The following FOXP2 variants were observed in gnomAD, a reference collection of about 807,000 sequenced individuals.
FOXP2 encodes forkhead box protein P2.
Under a neutral mutation model 115.8 loss-of-function variants are expected in FOXP2, and 12 were observed. The ratio of observed to expected loss-of-function variants is 0.10; its 90% CI spans 0.07 to 0.17. FOXP2 has a LOEUF of 0.17. Ranked by LOEUF, FOXP2 falls within the 10% of genes least tolerant of loss-of-function variation. FOXP2 has a pLI of 1.00. For synonymous variants in FOXP2, 328 were observed against 297.7 expected, an observed-to-expected ratio of 1.10 and a Z score of -1.05; for missense variants, 629 against 843.5, an observed-to-expected ratio of 0.75 and a Z score of 3.15.
chr7:114,114,266 T>C (rs1002503241), intron 1 of FOXP2, among the ~76,000 whole-genome samples: 5 of 150,540 alleles, frequency 3.3e-5, no homozygotes, highest in African/African-American at 7.3e-5. Flanking sequence ...TATGTGTATA[T>C]ACACACACAC....
chr7:114,150,783 T>C (rs1221375474), intron 1 of FOXP2, among the ~76,000 whole-genome samples: 1 of 152,030 alleles, frequency 6.6e-6, no homozygotes, highest in Non-Finnish European at 1.5e-5. Context: ...CAATTTTCTC[T>C]CTTTGGCTGA....
chr7:114,410,827 T>C (rs1050970087), upstream of FOXP2, among the ~76,000 whole-genome samples: 1 of 151,808 alleles, frequency 6.6e-6, no homozygotes, highest in Non-Finnish European at 1.5e-5. Context: ...TCAATAATAC[T>C]GTTGGAGTGT....
At chr7:114,525,377 G>T (rs1798811058) in intron 2 of FOXP2, among the ~76,000 whole-genome samples, 1 of 152,184 alleles carries the variant, frequency 6.6e-6, no homozygotes, top group Non-Finnish European at 1.5e-5. Context: ...ATTACTAGCT[G>T]TATTAAATTA....
At chr7:114,689,761 G>T in intron 16 of FOXP2, 21 bp from the exon 17 acceptor site, 1 of 1,612,626 alleles carries the variant, frequency 6.2e-7, no homozygotes, top group South Asian at 1.1e-5. Context: ...TAAAATTTTG[G>T]TGTATCTACA....
At chr7:114,598,532 A>T (rs1283947973) in intron 3 of FOXP2, among the ~76,000 whole-genome samples, 1 of 151,840 alleles carries the variant, frequency 6.6e-6, no homozygotes, top group Non-Finnish European at 1.5e-5. Context: ...TTTCTATGTT[A>T]TTTAGATTCA....
At chr7:114,546,717 T>G (rs1799944023) in intron 3 of FOXP2, among the ~76,000 whole-genome samples, 2 of 152,180 alleles carry the variant, frequency 1.3e-5, no homozygotes, top group Admixed American at 1.3e-4. Context: ...TATCCAGAAT[T>G]GCATTTTTAT....
At chr7:114,374,114 T>C (rs901706460) in intron 2 of FOXP2, among the ~76,000 whole-genome samples, 1 of 152,224 alleles carries the variant, frequency 6.6e-6, no homozygotes, top group African/African-American at 2.4e-5. Flanking sequence ...CTAGAAAATA[T>C]AATTATACAT....
intron 2 of FOXP2, among the ~76,000 whole-genome samples, chr7:114,332,997 A>T (rs1458343348): frequency 1.3e-5 from 2 of 152,194 alleles, no homozygotes; most frequent in Non-Finnish European, 2.9e-5. Flanking sequence ...GATATATTTC[A>T]TGAAGAAAAA....
intron 2 of FOXP2, among the ~76,000 whole-genome samples, chr7:114,526,308 C>T (rs757359537): frequency 1.1e-4 from 17 of 150,538 alleles, no homozygotes; most frequent in Non-Finnish European, 1.9e-4. Flanking sequence ...GAAACTATGT[C>T]TCTACTAAAA....
intron 1 of FOXP2, among the ~76,000 whole-genome samples, chr7:114,181,188 A>G (rs962487369): frequency 1.3e-5 from 2 of 151,616 alleles, no homozygotes; most frequent in African/African-American, 2.4e-5. Flanking sequence ...AGGACTGGGT[A>G]ATGGATGCAG....
chr7:114,506,160 T>A (rs1797808410), intron 2 of FOXP2, among the ~76,000 whole-genome samples: 1 of 151,682 alleles, frequency 6.6e-6, no homozygotes, highest in Non-Finnish European at 1.5e-5. Flanking sequence ...ACAGTAATGA[T>A]TATTGTTTAT....
chr7:114,397,232 A>C (rs937858463), intron 2 of FOXP2, among the ~76,000 whole-genome samples: 1 of 152,160 alleles, frequency 6.6e-6, no homozygotes, highest in African/African-American at 2.4e-5. Context: ...TATATGAAAA[A>C]ATAACAGTAA....
chr7:114,646,072 A>G (rs2129335170), intron 8 of FOXP2, among the ~76,000 whole-genome samples: 1 of 151,306 alleles, frequency 6.6e-6, no homozygotes, highest in South Asian at 2.1e-4. Context: ...AAAAAAAAAA[A>G]AAAAAAAAAA....
chr7:114,566,895 A>G (rs373222230), intron 3 of FOXP2, among the ~76,000 whole-genome samples: 4 of 151,918 alleles, frequency 2.6e-5, no homozygotes, highest in Non-Finnish European at 5.9e-5. Context: ...TATATATTAT[A>G]TATTTTTGTA....
At chr7:114,600,343 G>T (rs1472582468) in intron 3 of FOXP2, among the ~76,000 whole-genome samples, 1 of 152,084 alleles carries the variant, frequency 6.6e-6, no homozygotes, top group Non-Finnish European at 1.5e-5. Flanking sequence ...GTCTTTTCAT[G>T]GCATGATAGA....
upstream of FOXP2, among the ~76,000 whole-genome samples, chr7:114,412,659 C>A (rs1346445606): frequency 6.6e-6 from 1 of 152,174 alleles, no homozygotes; most frequent in Non-Finnish European, 1.5e-5. Context: ...TACCCCGATG[C>A]AGCTTTGTGC....
At chr7:114,211,887 A>C (rs944144067) in intron 1 of FOXP2, among the ~76,000 whole-genome samples, 2 of 152,090 alleles carry the variant, frequency 1.3e-5, no homozygotes, top group African/African-American at 4.8e-5. Context: ...AGCCTTGCCA[A>C]CATGGCAAAA....
At chr7:114,275,223 G>T (rs1796160771) in intron 1 of FOXP2, among the ~76,000 whole-genome samples, 1 of 151,976 alleles carries the variant, frequency 6.6e-6, no homozygotes, top group African/African-American at 2.4e-5. Flanking sequence ...GCGGAATTCT[G>T]TCATTATTGT....
intron 2 of FOXP2, among the ~76,000 whole-genome samples, chr7:114,317,303 A>C (rs1051090496): frequency 6.6e-5 from 10 of 152,216 alleles, no homozygotes; most frequent in Non-Finnish European, 1.5e-4. Flanking sequence ...GTTTGAATAT[A>C]AGCAATAGAT....
Sources: gnomAD v4.1 joint callset for allele counts (sites outside exome capture counted in the v4.1 genomes callset) on GRCh38, gnomAD v4.1.1 for gene constraint, MANE v1.5 for transcripts, NCBI Gene and HGNC (gene_info 2026-07-23, HGNC 2026-07-21) for gene names.